The following FMNL1 variants were observed in gnomAD, a reference collection of about 807,000 sequenced individuals.
The protein encoded by FMNL1 is formin-like protein 1.
A neutral mutation model predicts 121.3 loss-of-function variants in FMNL1; 43 were observed. That is an observed-to-expected ratio of 0.35 (90% CI 0.28 to 0.46). The LOEUF (loss-of-function observed/expected upper bound fraction) is 0.46, where lower values mean the gene tolerates loss of function less well. Among genes scored for constraint, FMNL1 ranks in the 20% least tolerant of loss-of-function variants. The pLI is 1.00. For missense variants in FMNL1, 1,191 were observed against 1,482.4 expected (o/e 0.80, Z 3.23); for synonymous variants, 613 against 613.5 (o/e 1.00, Z 0.01).
At chr17:45,234,903 G>C (rs1014503639) in intron 6 of FMNL1, 3 of 153,256 alleles carry the variant, frequency 2.0e-5, no homozygotes, top group African/African-American at 7.2e-5. Flanking sequence ...TCCCAGGGTG[G>C]TGGTGGGTTA....
intron 11 of FMNL1, among the ~76,000 whole-genome samples, chr17:45,239,808 T>C (rs1020590337): frequency 1.3e-5 from 2 of 151,724 alleles, no homozygotes; most frequent in African/African-American, 2.4e-5. Context: ...TGATTGCTTT[T>C]TTTTTGAGAT....
chr17:45,241,697 T>A lies in FMNL1; in HGVS notation c.1585+63T>A, dbSNP rs2043700413. 1 of 1,447,238 alleles carries A rather than the reference T, an allele frequency of 6.9e-7. No homozygotes were observed. The highest frequency in any genetic ancestry group is 2.7e-5 in the Admixed American group (1 of 36,776). The allele number at this position is 1,447,238 out of a possible 1,614,324, so 89.6% of individuals were successfully genotyped here. A position where few individuals can be genotyped will look rare whatever the true frequency, so the allele number is the denominator to read the frequency against. On this transcript the variant is annotated intron_variant, in intron 14 of 26. Coordinates refer to ENST00000331495, the MANE Select transcript of FMNL1 (RefSeq NM_005892.4). The surrounding 1 kb of genome is among the most constrained non-coding windows in gnomAD (Gnocchi z 7.0). ...GGGTCTGGAGGGGAGCCCAGGGGCATCTGTGGCGGGCAGAGTTGGGCGAGG... is the reference window on the plus strand; with the variant it reads ...GGGTCTGGAGGGGAGCCCAGGGGCAACTGTGGCGGGCAGAGTTGGGCGAGG...
Position 45,237,752 on chromosome 17 carries a change from T to TG in FMNL1, c.894+117dup. 2 of 1,164,274 alleles carry TG rather than the reference T, an allele frequency of 1.7e-6. No individual in the cohort carries two copies. The highest frequency in any genetic ancestry group is 1.3e-6 in the Non-Finnish European group (1 of 799,046). 72.1% of individuals were successfully genotyped at this position (1,164,274 alleles called of 1,614,324 possible). On this transcript the variant is annotated intron_variant, in intron 9 of 26. Transcript: ENST00000331495. This position sits in a 1 kb window ranked among gnomAD's most constrained non-coding sequence, Gnocchi z 4.4. ...CAGCTGGGGACATTGGGTGGGCATT[T>TG]GGGGAACGCCCAAAAGTTGAAGTTG...
chr17:45,246,634 C>T (rs749127183), intron 26 of FMNL1, 30 bp downstream of exon 26: 28 of 1,558,264 alleles, frequency 1.8e-5, no homozygotes, highest in African/African-American at 4.1e-5. Context: ...TCTGATACCA[C>T]GCTGCCCACA....
intron 18 of FMNL1, 44 bp from the exon 19 acceptor site, chr17:45,244,132 G>A (rs761306016): frequency 3.3e-5 from 53 of 1,609,246 alleles, no homozygotes; most frequent in African/African-American, 4.0e-5. Context: ...GCCTCCAGAT[G>A]GAGGAGGCTC....
rs532375912 is a variant in FMNL1 at position 45,244,851 on chromosome 17, T to C, written c.2550T>C (p.Ser850=). The change falls in exon 20 of 27, where the codon AGT becomes AGC. Residue 850 remains serine, a synonymous_variant. Transcript: ENST00000331495. ...IVLAFGNYMN[S]SKRGAAYGFR... ...TGGCCTTTGGCAACTACATGAACAGTAGCAAGCGTGGGGCAGCCTATGGCT... is the reference window on the plus strand; with the variant it reads ...TGGCCTTTGGCAACTACATGAACAGCAGCAAGCGTGGGGCAGCCTATGGCT... 24 of 1,613,654 alleles carry C rather than the reference T, an allele frequency of 1.5e-5. No homozygotes were observed. Among genetic ancestry groups the C allele is most frequent in the Non-Finnish European group, 1.9e-5 (22 of 1,179,874 alleles).
rs1429016550 is a variant in FMNL1 at position 45,237,433 on chromosome 17, AG to A, written c.800+78del. ...TAGCCCCTTGCTTACTCTGTCCTCCAGGTCTCAGAGGCTCATTCTGCACCCA... is the reference window on the plus strand; with the variant it reads ...TAGCCCCTTGCTTACTCTGTCCTCCAGTCTCAGAGGCTCATTCTGCACCCA... On this transcript the variant is annotated intron_variant, in intron 8 of 26. Transcript: ENST00000331495. The surrounding 1 kb of genome is among the most constrained non-coding windows in gnomAD (Gnocchi z 4.4). The A allele has an allele frequency of 6.2e-7, 1 of 1,607,462 alleles. No individual in the cohort carries two copies. The highest frequency in any genetic ancestry group is 1.3e-5 in the African/African-American group (1 of 74,740).
At position 45,221,954 on chromosome 17, in the gene FMNL1, G is replaced by A; in HGVS notation, c.-171G>A. ...CGGGGCCGCCCCGATGGGACGCCGCGCTCCGGCCCCTGCGCGCCGCTGAGC... is the reference window on the plus strand; with the variant it reads ...CGGGGCCGCCCCGATGGGACGCCGCACTCCGGCCCCTGCGCGCCGCTGAGC... On this transcript the variant is annotated 5_prime_UTR_variant, in exon 1 of 27. Transcript: ENST00000331495. 2.5e-6 allele frequency: 1 copy of A among 401,816 alleles called. No homozygotes were observed. The highest frequency in any genetic ancestry group is 4.9e-5 in the Admixed American group (1 of 20,372). 24.9% of individuals were successfully genotyped at this position (401,816 alleles called of 1,614,324 possible).
chr17:45,237,171 G>T lies in FMNL1; in HGVS notation c.724-110G>T. On this transcript the variant is annotated intron_variant, in intron 7 of 26. Transcript: ENST00000331495. The surrounding 1 kb of genome is among the most constrained non-coding windows in gnomAD (Gnocchi z 4.4). ...TTTGGTGGCCACAGAAGTTGCGGTTGGATACAAAGAACTTCCTAAACTCGA... is the reference window on the plus strand; with the variant it reads ...TTTGGTGGCCACAGAAGTTGCGGTTTGATACAAAGAACTTCCTAAACTCGA... The T allele has an allele frequency of 2.1e-6, 2 of 952,120 alleles. No individual in the cohort carries two copies. Among genetic ancestry groups the T allele is most frequent in the Non-Finnish European group, 3.3e-6 (2 of 612,942 alleles). 59.0% of individuals were successfully genotyped at this position (952,120 alleles called of 1,614,324 possible).
Position 45,242,397 on chromosome 17 carries a change from G to A in FMNL1, c.1942G>A (p.Val648Met), listed in dbSNP as rs1359240457. Reference sequence around the variant, plus strand: ...GTTCCGAATGCCACTCTTGAACTGGGTGGCACTGAAACCCAGCCAGATCAC... The same window carrying A: ...GTTCCGAATGCCACTCTTGAACTGGATGGCACTGAAACCCAGCCAGATCAC... Reference protein sequence around the residue: ...TKFRMPLLNWVALKPSQITGT... With the variant: ...TKFRMPLLNWMALKPSQITGT... The change falls in exon 16 of 27, where the codon GTG (valine) becomes ATG (methionine). Residue 648 changes from valine to methionine, a missense_variant. Val to Met is a conservative substitution (Grantham distance 21). Around this residue, in one of 4 missense-constraint regions of FMNL1, gnomAD observed 519 missense variants for 492.8 expected, o/e 1.05. Transcript: ENST00000331495. 5.6e-6 allele frequency: 9 copies of A among 1,614,118 alleles called. No homozygotes were observed. Among genetic ancestry groups the A allele is most frequent in the Non-Finnish European group, 7.6e-6 (9 of 1,179,966 alleles).
chr17:45,243,556 G>A (rs2043757638), intron 17 of FMNL1, among the ~76,000 whole-genome samples: 1 of 152,236 alleles, frequency 6.6e-6, no homozygotes, highest in South Asian at 2.1e-4. Flanking sequence ...CAGGCTGTGG[G>A]ATTTACAGCC....
intron 5 of FMNL1, 32 bp from the exon 6 acceptor site, chr17:45,234,040 T>A: frequency 6.2e-7 from 1 of 1,611,130 alleles, no homozygotes; most frequent in Non-Finnish European, 8.5e-7. Flanking sequence ...CCTGCAGTGT[T>A]GGCCTCCAGC....
chr17:45,222,787 G>C (rs568111053), intron 1 of FMNL1, among the ~76,000 whole-genome samples: 1 of 152,226 alleles, frequency 6.6e-6, no homozygotes, highest in Non-Finnish European at 1.5e-5. Flanking sequence ...CCATATGTCA[G>C]AGCCAGGGTG....
At position 45,233,327 on chromosome 17, in the gene FMNL1, G is replaced by A. The variant is rs970233933; in HGVS notation, c.401+30G>A. Reference sequence around the variant, plus strand: ...GTGAGGGCTCAGATCTTCCTCTCTGGGCCTAGGAAGGCTCTGCTTCCAGGC... The same window carrying A: ...GTGAGGGCTCAGATCTTCCTCTCTGAGCCTAGGAAGGCTCTGCTTCCAGGC... On this transcript the variant is annotated intron_variant, in intron 4 of 26. Coordinates refer to ENST00000331495, the MANE Select transcript of FMNL1 (RefSeq NM_005892.4). The surrounding 1 kb of genome is among the most constrained non-coding windows in gnomAD (Gnocchi z 4.1). 5 of 1,544,892 alleles carry A rather than the reference G, an allele frequency of 3.2e-6. No individual in the cohort carries two copies. The highest frequency in any genetic ancestry group is 2.7e-5 in the African/African-American group (2 of 72,896).
chr17:45,229,517 GAT>G (rs2043397132), intron 1 of FMNL1, among the ~76,000 whole-genome samples: 1 of 152,212 alleles, frequency 6.6e-6, no homozygotes, highest in South Asian at 2.1e-4. Context: ...CCACATCCCC[GAT>G]GGAGACTCTT....
chr17:45,236,509 T>G, intron 7 of FMNL1: 1 of 336,300 alleles, frequency 3.0e-6, no homozygotes, highest in Non-Finnish European at 5.5e-6. Context: ...TGGGCTCACC[T>G]ACCAAGAAGG....
chr17:45,244,020 A>G lies in FMNL1; in HGVS notation c.2443A>G (p.Met815Val). 3 of 1,607,894 alleles carry G rather than the reference A, an allele frequency of 1.9e-6. No homozygotes were observed. The highest frequency in any genetic ancestry group is 2.5e-6 in the Non-Finnish European group (3 of 1,177,430). ...GNFPDTAQLL[M>V]PQLNAIIAAS... ...CTTCCCGGACACAGCCCAGCTGCTCATGCCGGTGTGGGCGGAGCGGGCAGG... is the reference window on the plus strand; with the variant it reads ...CTTCCCGGACACAGCCCAGCTGCTCGTGCCGGTGTGGGCGGAGCGGGCAGG... Residue 815 changes from methionine (M) to valine (V), a missense_variant, in exon 18 of 27, where the codon ATG (methionine) becomes GTG (valine). This residue lies in a region of FMNL1 where 367 missense variants were observed against 528.6 expected (regional missense o/e 0.69). Transcript: ENST00000331495.
Position 45,233,443 on chromosome 17 carries a change from C to G in FMNL1, c.401+146C>G. The G allele has an allele frequency of 1.0e-6, 1 of 1,002,310 alleles. No individual in the cohort carries two copies. The highest frequency in any genetic ancestry group is 1.4e-6 in the Non-Finnish European group (1 of 690,602). The allele number at this position is 1,002,310 out of a possible 1,614,324, so 62.1% of individuals were successfully genotyped here. A position where few individuals can be genotyped will look rare whatever the true frequency, so the allele number is the denominator to read the frequency against. The stretch of plus-strand genomic sequence containing the variant: ...TCCTGGAGGTGTCCAGGACAGCTTC[C>G]CCTCCCCTTCCTGCCCATGCTCTGA... On this transcript the variant is annotated intron_variant, in intron 4 of 26. Coordinates refer to ENST00000331495, the MANE Select transcript of FMNL1 (RefSeq NM_005892.4). The surrounding 1 kb of genome is among the most constrained non-coding windows in gnomAD (Gnocchi z 4.1).
chr17:45,238,937 C>T lies in FMNL1; in HGVS notation c.970-18C>T, dbSNP rs770286835. The T allele has an allele frequency of 6.2e-7, 1 of 1,605,510 alleles. No homozygotes were observed. The highest frequency in any genetic ancestry group is 2.2e-5 in the East Asian group (1 of 44,824). On this transcript the variant is annotated intron_variant, in intron 10 of 26. Transcript: ENST00000331495. ...CCACCTAGAGGATCATAGATCTCCCCATGTCCCTGGCTCCCAGGTGGCCTG... is the reference window on the plus strand; with the variant it reads ...CCACCTAGAGGATCATAGATCTCCCTATGTCCCTGGCTCCCAGGTGGCCTG...
Sources: gnomAD v4.1 joint callset for allele counts (sites outside exome capture counted in the v4.1 genomes callset) on GRCh38, gnomAD v4.1.1 for gene constraint, gnomAD v4.1.1 regional missense constraint, Gnocchi (gnomAD v3.1) non-coding constraint, MANE v1.5 for transcripts, NCBI Gene and HGNC (gene_info 2026-07-23, HGNC 2026-07-21) for gene names.